Variants in EPHB3 observed in about 807,000 individuals in gnomAD.
EPHB3 encodes the protein ephrin type-B receptor 3.
EPHB3 carries 33 observed loss-of-function variants against 100.2 expected under a neutral mutation model. The ratio of observed to expected loss-of-function variants is 0.33; its 90% CI spans 0.25 to 0.44. EPHB3 has a LOEUF of 0.44. Among genes scored for constraint, EPHB3 ranks in the 20% least tolerant of loss-of-function variants. The pLI is 1.00. For missense variants in EPHB3, 1,045 were observed against 1,378.3 expected (o/e 0.76, Z 3.83); for synonymous variants, 526 against 554.7 (o/e 0.95, Z 0.73).
rs1714664868 is a variant in EPHB3 at position 184,575,946 on chromosome 3, T to C, written c.973T>C (p.Tyr325His). Residue 325 changes from tyrosine (Y) to histidine (H), a missense_variant, in exon 4 of 16, where the codon TAC becomes CAC. Physicochemically the swap from Tyr to His is moderately conservative, Grantham distance 83 (BLOSUM62 2). Transcript: ENST00000330394. ...CATCTGCACCTGCCACAATAACTTCTACCGTGCAGACTCGGACTCTGCGGA... is the reference window on the plus strand; with the variant it reads ...CATCTGCACCTGCCACAATAACTTCCACCGTGCAGACTCGGACTCTGCGGA... Reference protein sequence around the residue: ...ASICTCHNNFYRADSDSADSA... With the variant: ...ASICTCHNNFHRADSDSADSA... The C allele has an allele frequency of 1.2e-6, 2 of 1,613,766 alleles. No homozygotes were observed. The highest frequency in any genetic ancestry group is 1.7e-6 in the Non-Finnish European group (2 of 1,179,890).
intron 4 of EPHB3, among the ~76,000 whole-genome samples, chr3:184,576,272 C>T (rs929424905): frequency 6.6e-6 from 1 of 152,314 alleles, no homozygotes; most frequent in Middle Eastern, 3.4e-3. Context: ...TGGCTCCTAG[C>T]CATGCTCAGG....
At chr3:184,564,524 C>A (rs193183937) in intron 1 of EPHB3, among the ~76,000 whole-genome samples, 1 of 152,336 alleles carries the variant, frequency 6.6e-6, no homozygotes, top group Non-Finnish European at 1.5e-5. Context: ...TTAGCATAGG[C>A]ATTGTTATTC....
chr3:184,580,720 C>A lies in EPHB3; in HGVS notation c.2389-9C>A. ...TCACAGGGTGAAGGGCCTGTGCCCC[C>A]CTCACCAGGGCGGGAAGATCCCCAT... On this transcript the variant is annotated splice_polypyrimidine_tract_variant and intron_variant, in intron 12 of 15. Coordinates refer to ENST00000330394, the MANE Select transcript of EPHB3 (RefSeq NM_004443.4). 3.7e-6 allele frequency: 6 copies of A among 1,613,490 alleles called. No individual in the cohort carries two copies. The highest frequency in any genetic ancestry group is 5.1e-6 in the Non-Finnish European group (6 of 1,179,674).
rs764357218 is a variant in EPHB3, at chr3:184,580,480, G to A, written c.2251G>A (p.Glu751Lys). 3 of 1,614,218 alleles carry A rather than the reference G, an allele frequency of 1.9e-6. No individual in the cohort carries two copies. Among genetic ancestry groups the A allele is most frequent in the East Asian group, 2.2e-5 (1 of 44,878 alleles). Residue 751 changes from glutamate (E) to lysine (K), a missense_variant, in exon 12 of 16, where the codon GAG becomes AAG. Coordinates refer to ENST00000330394, the MANE Select transcript of EPHB3 (RefSeq NM_004443.4). Reference protein sequence around the residue: ...GIAAGMKYLSEMNYVHRDLAA... With the variant: ...GIAAGMKYLSKMNYVHRDLAA... The stretch of plus-strand genomic sequence containing the variant: ...TGCTGCCGGCATGAAGTACCTGTCC[G>A]AGATGAACTATGTGCACCGCGACCT...
chr3:184,568,293 T>A (rs1469213225), intron 1 of EPHB3, among the ~76,000 whole-genome samples: 2 of 152,266 alleles, frequency 1.3e-5, no homozygotes, highest in East Asian at 3.9e-4. Context: ...TGGGCAGTTG[T>A]GGTTTCCTGC....
Position 184,572,368 on chromosome 3 carries a change from C to T in EPHB3, c.184-136C>T. On this transcript the variant is annotated intron_variant, in intron 2 of 15. Transcript: ENST00000330394. This position sits in a 1 kb window ranked among gnomAD's most constrained non-coding sequence, Gnocchi z 6.6. Reference sequence around the variant, plus strand: ...AGCAGGCAGAGAGCTGGAATTTGAGCCCATATAGCCTGTATGCTCAGCCAC... The same window carrying T: ...AGCAGGCAGAGAGCTGGAATTTGAGTCCATATAGCCTGTATGCTCAGCCAC... 9.6e-6 allele frequency: 9 copies of T among 941,806 alleles called. No individual in the cohort carries two copies. The highest frequency in any genetic ancestry group is 1.3e-5 in the Non-Finnish European group (9 of 702,178). The allele number at this position is 941,806 out of a possible 1,614,324, so 58.3% of individuals were successfully genotyped here.
intron 1 of EPHB3, among the ~76,000 whole-genome samples, chr3:184,566,996 A>G (rs1206321045): frequency 6.6e-6 from 1 of 152,014 alleles, no homozygotes; most frequent in African/African-American, 2.4e-5. Context: ...GGTGCCCATG[A>G]TGTCCTCCTC....
rs756204374 is a variant in EPHB3, at chr3:184,579,589, G to C, written c.1914G>C (p.Val638=). The part of the protein sequence containing the change: ...IDVSCVKIEE[V]IGAGEFGEVC... Reference sequence around the variant, plus strand: ...TGTCCTGCGTCAAGATCGAGGAGGTGATCGGAGCTGGTGAGTCTCCCGGGG... The same window carrying C: ...TGTCCTGCGTCAAGATCGAGGAGGTCATCGGAGCTGGTGAGTCTCCCGGGG... Residue 638 remains valine (V), a synonymous_variant, in exon 10 of 16, where the codon GTG becomes GTC. Coordinates refer to ENST00000330394, the MANE Select transcript of EPHB3 (RefSeq NM_004443.4). The surrounding 1 kb of genome is among the most constrained non-coding windows in gnomAD (Gnocchi z 5.2). 4.3e-6 allele frequency: 7 copies of C among 1,614,084 alleles called. No individual in the cohort carries two copies. The highest frequency in any genetic ancestry group is 5.1e-6 in the Non-Finnish European group (6 of 1,179,992).
chr3:184,577,551 A>G lies in EPHB3; in HGVS notation c.1479+84A>G. On this transcript the variant is annotated intron_variant, in intron 6 of 15. Coordinates refer to ENST00000330394, the MANE Select transcript of EPHB3 (RefSeq NM_004443.4). The surrounding 1 kb of genome is among the most constrained non-coding windows in gnomAD (Gnocchi z 4.9). ...CCCGGATCATGATGGGGCCCTTGGGAGCAAGGCCTTGGGTATGGAGGGGGC... is the reference window on the plus strand; with the variant it reads ...CCCGGATCATGATGGGGCCCTTGGGGGCAAGGCCTTGGGTATGGAGGGGGC... 6.3e-7 allele frequency: 1 copy of G among 1,592,634 alleles called. No homozygotes were observed. The highest frequency in any genetic ancestry group is 8.6e-7 in the Non-Finnish European group (1 of 1,168,344).
chr3:184,575,023 C>A, intron 3 of EPHB3: 2 of 551,158 alleles, frequency 3.6e-6, no homozygotes, highest in Non-Finnish European at 4.6e-6. Flanking sequence ...TTGGTTTATG[C>A]CCATTATCCT....
At position 184,572,789 on chromosome 3, in the gene EPHB3, G is replaced by A. The variant is rs1425615630; in HGVS notation, c.469G>A (p.Val157Met). 6.2e-7 allele frequency: 1 copy of A among 1,600,426 alleles called. No homozygotes were observed. Among genetic ancestry groups the A allele is most frequent in the South Asian group, 1.1e-5 (1 of 88,818 alleles). The change falls in exon 3 of 16, where the codon GTG becomes ATG. Residue 157 changes from valine to methionine, a missense_variant. Physicochemically the swap from Val to Met is conservative, Grantham distance 21. Around this residue, in one of 2 missense-constraint regions of EPHB3, gnomAD observed 985 missense variants for 1,331.1 expected, o/e 0.74. Transcript: ENST00000330394. The surrounding 1 kb of genome is among the most constrained non-coding windows in gnomAD (Gnocchi z 6.6). ...CTGGATGGAGAACCCCTACGTGAAAGTGGACACCATTGCACCCGATGAGAG... is the reference window on the plus strand; with the variant it reads ...CTGGATGGAGAACCCCTACGTGAAAATGGACACCATTGCACCCGATGAGAG... Reference protein sequence around the residue: ...PFWMENPYVKVDTIAPDESFS... With the variant: ...PFWMENPYVKMDTIAPDESFS...
rs1714745535 is a variant in EPHB3 at position 184,578,679 on chromosome 3, A to T, written c.1801+213A>T. Among the ~76,000 whole-genome samples the T allele has an allele frequency of 6.6e-6, 1 of 152,000 alleles. No individual in the cohort carries two copies. The highest frequency in any genetic ancestry group is 6.6e-5 in the Admixed American group (1 of 15,264). Reference sequence around the variant, plus strand: ...TAGCCCCAGAAATGACTGAGACGTGACCTCTCCCCCTAAAGGCAGTTAGTC... The same window carrying T: ...TAGCCCCAGAAATGACTGAGACGTGTCCTCTCCCCCTAAAGGCAGTTAGTC... On this transcript the variant is annotated intron_variant, in intron 9 of 15. Coordinates refer to ENST00000330394, the MANE Select transcript of EPHB3 (RefSeq NM_004443.4). This position sits in a 1 kb window ranked among gnomAD's most constrained non-coding sequence, Gnocchi z 4.7.
rs746690662 is a variant in EPHB3, at chr3:184,580,984, G to A, written c.2551G>A (p.Val851Met). The A allele has an allele frequency of 1.4e-5, 23 of 1,611,454 alleles. No individual in the cohort carries two copies. Among genetic ancestry groups the A allele is most frequent in the African/African-American group, 5.3e-5 (4 of 74,886 alleles). The change falls in exon 14 of 16, where the codon GTG (valine) becomes ATG (methionine). Residue 851 changes from valine (V) to methionine (M), a missense_variant. By Grantham distance (21) the Val-to-Met change is conservative. This residue lies in a region of EPHB3 where 985 missense variants were observed against 1,331.1 expected (regional missense o/e 0.74). Transcript: ENST00000330394. ...DMSNQDVINA[V>M]EQDYRLPPPM... ...GCCTTCGGCCCAGGTCATCAATGCC[G>A]TGGAGCAGGATTACCGGCTGCCACC...
At position 184,580,888 on chromosome 3, in the gene EPHB3, G is replaced by C. The variant is rs761755499; in HGVS notation, c.2538+10G>C. On this transcript the variant is annotated intron_variant, in intron 13 of 15. Coordinates refer to ENST00000330394, the MANE Select transcript of EPHB3 (RefSeq NM_004443.4). ...CATGAGCAACCAGGATGTGAGTGAG[G>C]CTACGCCAGAGTGGTTGGGTAGGTG... is the stretch of plus-strand genomic sequence containing the variant. The C allele has an allele frequency of 1.9e-6, 3 of 1,612,162 alleles. No individual in the cohort carries two copies. The highest frequency in any genetic ancestry group is 3.3e-5 in the Admixed American group (2 of 60,006).
intron 4 of EPHB3, among the ~76,000 whole-genome samples, chr3:184,576,443 C>A (rs537970978): frequency 9.8e-5 from 15 of 152,292 alleles, no homozygotes; most frequent in African/African-American, 3.6e-4. Context: ...GTGTGCCGGG[C>A]ATTGTGCTGG....
At chr3:184,566,833 T>C (rs953114254) in intron 1 of EPHB3, among the ~76,000 whole-genome samples, 1 of 152,216 alleles carries the variant, frequency 6.6e-6, no homozygotes, top group Non-Finnish European at 1.5e-5. Context: ...TTTAGTTGTT[T>C]TGTGTTTCTG....
rs1714846613 is a variant in EPHB3, at chr3:184,582,279, CGCGCGCGCGCGCGTGTGTGTGT to C, written c.*660_*681del. 1 of 68,318 alleles carries C rather than the reference CGCGCGCGCGCGCGTGTGTGTGT, an allele frequency of 1.5e-5. No homozygotes were observed. Among genetic ancestry groups the C allele is most frequent in the Non-Finnish European group, 2.9e-5 (1 of 34,268 alleles). 4.2% of individuals were successfully genotyped at this position (68,318 alleles called of 1,614,324 possible). A position where few individuals can be genotyped will look rare whatever the true frequency, so the allele number is the denominator to read the frequency against. ...GTGTGTGTGTGTGTGTGTGTGTGTG[CGCGCGCGCGCGCGTGTGTGTGT>C]GCACGCACTGGCCTGCACAGAGAGC... On this transcript the variant is annotated 3_prime_UTR_variant, in exon 16 of 16. Transcript: ENST00000330394.
Position 184,577,547 on chromosome 3 carries a change from TG to T in EPHB3, c.1479+83del. The T allele has an allele frequency of 6.3e-7, 1 of 1,595,420 alleles. No homozygotes were observed. The highest frequency in any genetic ancestry group is 8.5e-7 in the Non-Finnish European group (1 of 1,170,014). On this transcript the variant is annotated intron_variant, in intron 6 of 15. Transcript: ENST00000330394. The surrounding 1 kb of genome is among the most constrained non-coding windows in gnomAD (Gnocchi z 4.9). ...TACCCCCGGATCATGATGGGGCCCTTGGGAGCAAGGCCTTGGGTATGGAGGG... is the reference window on the plus strand; with the variant it reads ...TACCCCCGGATCATGATGGGGCCCTTGGAGCAAGGCCTTGGGTATGGAGGG...
chr3:184,572,867 C>A lies in EPHB3; in HGVS notation c.547C>A (p.Pro183Thr). The A allele has an allele frequency of 6.4e-7, 1 of 1,562,478 alleles. No individual in the cohort carries two copies. The highest frequency in any genetic ancestry group is 8.7e-7 in the Non-Finnish European group (1 of 1,154,540). The change falls in exon 3 of 16, where the codon CCA becomes ACA. Residue 183 changes from proline to threonine, a missense_variant. Transcript: ENST00000330394. The surrounding 1 kb of genome is among the most constrained non-coding windows in gnomAD (Gnocchi z 6.6). ...CAACACCAAGGTGCGCAGCTTTGGG[C>A]CACTTTCCAAGGCTGGCTTCTACCT... is the stretch of plus-strand genomic sequence containing the variant. ...RVNTKVRSFG[P>T]LSKAGFYLAF... is the part of the protein sequence containing the mutation.
Sources: gnomAD v4.1 joint callset for allele counts (sites outside exome capture counted in the v4.1 genomes callset) on GRCh38, gnomAD v4.1.1 for gene constraint, gnomAD v4.1.1 regional missense constraint, Gnocchi (gnomAD v3.1) non-coding constraint, MANE v1.5 for transcripts, NCBI Gene and HGNC (gene_info 2026-07-23, HGNC 2026-07-21) for gene names.